Variants in PDE4D observed in about 807,000 individuals in gnomAD.
PDE4D encodes phosphodiesterase 4D.
A neutral mutation model predicts 87.4 loss-of-function variants in PDE4D; 24 were observed. The observed-to-expected ratio is 0.27, with a 90% CI of 0.20 to 0.39. The LOEUF (loss-of-function observed/expected upper bound fraction) is 0.39. Among genes scored for constraint, PDE4D ranks in the 10% least tolerant of loss-of-function variants. The pLI is 1.00. For synonymous variants in PDE4D, 384 were observed against 383.2 expected (o/e 1.00, Z -0.02); for missense variants, 714 against 1,041.0 (o/e 0.69, Z 4.32).
intron 1 of PDE4D, among the ~76,000 whole-genome samples, chr5:60,483,565 T>C (rs1748896899): frequency 6.6e-6 from 1 of 152,136 alleles, no homozygotes; most frequent in Admixed American, 6.5e-5. Flanking sequence ...TAACTCCTGA[T>C]TTTTGCTGAA....
chr5:60,007,797 T>A (rs1304084974), intron 2 of PDE4D, among the ~76,000 whole-genome samples: 1 of 151,986 alleles, frequency 6.6e-6, no homozygotes, highest in African/African-American at 2.4e-5. Context: ...AATTATGAAA[T>A]CTACAAATAT....
At chr5:59,046,800 GA>G (rs1203494440) in intron 5 of PDE4D, among the ~76,000 whole-genome samples, 2 of 152,184 alleles carry the variant, frequency 1.3e-5, no homozygotes, top group Non-Finnish European at 2.9e-5. Context: ...TAAGAATAAG[GA>G]GGCCTTTTGT....
intron 1 of PDE4D, among the ~76,000 whole-genome samples, chr5:59,698,449 C>A (rs1317071819): frequency 6.6e-6 from 1 of 151,908 alleles, no homozygotes; most frequent in Non-Finnish European, 1.5e-5. Context: ...TATTACCCAA[C>A]ATGAAGGGTC....
chr5:60,237,372 T>A (rs1746544409), intron 1 of PDE4D, among the ~76,000 whole-genome samples: 1 of 152,002 alleles, frequency 6.6e-6, no homozygotes, highest in Non-Finnish European at 1.5e-5. Context: ...TGTCCCACAA[T>A]AGGTGAATAG....
intron 1 of PDE4D, among the ~76,000 whole-genome samples, chr5:59,368,111 T>A (rs1473874117): frequency 6.6e-6 from 1 of 152,246 alleles, no homozygotes; most frequent in Non-Finnish European, 1.5e-5. Context: ...GATGCATGTA[T>A]GGGTATGAGT....
chr5:59,448,408 G>A (rs145147560), intron 1 of PDE4D, among the ~76,000 whole-genome samples: 2,324 of 152,246 alleles, frequency 0.015, 78 homozygotes, highest in African/African-American at 0.054. Context: ...AGCAGTGCTT[G>A]AGAGTGCAGG....
At chr5:60,148,087 T>C (rs1484608784) in intron 2 of PDE4D, among the ~76,000 whole-genome samples, 2 of 152,184 alleles carry the variant, frequency 1.3e-5, no homozygotes, top group Admixed American at 6.5e-5. Flanking sequence ...AGAATATTTC[T>C]TTAGATGCCA....
chr5:60,154,306 T>A (rs1333537021), intron 2 of PDE4D, among the ~76,000 whole-genome samples: 6 of 151,874 alleles, frequency 4.0e-5, no homozygotes, highest in African/African-American at 1.2e-4. Flanking sequence ...AGACAGAGTC[T>A]CAGTCTCTTG....
intron 1 of PDE4D, among the ~76,000 whole-genome samples, chr5:59,845,620 A>C (rs1026263038): frequency 6.6e-6 from 1 of 152,136 alleles, no homozygotes; most frequent in African/African-American, 2.4e-5. Context: ...TGGAACAAAA[A>C]TACAGTAAAT....
rs932900500 is a variant in PDE4D at position 59,668,869 on chromosome 5, A to G, written c.455+224299T>C. On this transcript the variant is annotated intron_variant, in intron 1 of 14. Transcript: ENST00000340635. ...AGGAAGAAGAAGAAGAAGAAGAAGA[A>G]GAAGAAGAAGAAGAAGAAGAAGAAG... 6.5e-3 allele frequency among the ~76,000 whole-genome samples: 494 copies of G among 75,578 alleles called. 11 individuals carry two copies. The highest frequency in any genetic ancestry group is 0.014 in the African/African-American group (225 of 16,096). The allele number at this position is 75,578 out of a possible 152,430, so 49.6% of individuals were successfully genotyped here. A position where few individuals can be genotyped will look rare whatever the true frequency, so the allele number is the denominator to read the frequency against.
chr5:59,129,278 A>AT (rs143829987), intron 5 of PDE4D, among the ~76,000 whole-genome samples: 1,587 of 152,214 alleles, frequency 0.01, 32 homozygotes, highest in African/African-American at 0.036. Context: ...GTTCTTTGTT[A>AT]TTTTTTGTAG....
intron 1 of PDE4D, among the ~76,000 whole-genome samples, chr5:59,808,582 TTGTGTGTG>T (rs147077089): frequency 1.3e-5 from 2 of 150,262 alleles, no homozygotes; most frequent in African/African-American, 4.9e-5. Flanking sequence ...TCTATGACGT[TTGTGTGTG>T]TGTGTGTGTG....
At chr5:60,242,054 G>A (rs1212792444) in intron 1 of PDE4D, among the ~76,000 whole-genome samples, 2 of 152,016 alleles carry the variant, frequency 1.3e-5, no homozygotes, top group Non-Finnish European at 2.9e-5. Context: ...AGTATATCTG[G>A]TGCTAATATC....
At chr5:60,047,107 T>C (rs899026863) in intron 2 of PDE4D, among the ~76,000 whole-genome samples, 2 of 152,218 alleles carry the variant, frequency 1.3e-5, no homozygotes, top group African/African-American at 2.4e-5. Flanking sequence ...AGAGTGTGTG[T>C]GTCCAGGAAT....
At position 59,697,024 on chromosome 5, in the gene PDE4D, A is replaced by G. The variant is rs868492557; in HGVS notation, c.455+196144T>C. On this transcript the variant is annotated intron_variant, in intron 1 of 14. Transcript: ENST00000340635. ...AGGAAGAGTACTTTCTGATCATGGTAATGAAACTGAGAGAAGATATTTGGG... is the reference window on the plus strand; with the variant it reads ...AGGAAGAGTACTTTCTGATCATGGTGATGAAACTGAGAGAAGATATTTGGG... Among the ~76,000 whole-genome samples, 3 of 152,210 alleles carry G rather than the reference A, an allele frequency of 2.0e-5. No individual in the cohort carries two copies. The South Asian group carries it at 6.2e-4, about 32-fold the overall frequency.
At chr5:59,563,050 A>T (rs1400346338) in intron 1 of PDE4D, among the ~76,000 whole-genome samples, 1 of 152,260 alleles carries the variant, frequency 6.6e-6, no homozygotes, top group African/African-American at 2.4e-5. Context: ...AAAGGATGTC[A>T]GAAGGCTATC....
chr5:60,261,520 CACA>C (rs1320490460), intron 1 of PDE4D, among the ~76,000 whole-genome samples: 1 of 152,052 alleles, frequency 6.6e-6, no homozygotes, highest in Non-Finnish European at 1.5e-5. Context: ...TAAAAACAAT[CACA>C]ACACTAACAT....
intron 2 of PDE4D, among the ~76,000 whole-genome samples, chr5:59,995,378 G>GCATGAT (rs1327105958): frequency 8.0e-5 from 12 of 150,576 alleles, no homozygotes; most frequent in Middle Eastern, 3.4e-3. Flanking sequence ...GATTGCAATG[G>GCATGAT]CATGATCTCA....
Position 59,097,138 on chromosome 5 carries a change from C to T in PDE4D, c.809-58167G>A, listed in dbSNP as rs556253182. Among the ~76,000 whole-genome samples, 3 of 152,210 alleles carry T rather than the reference C, an allele frequency of 2.0e-5. No individual in the cohort carries two copies. The South Asian group carries it at 6.2e-4, about 32-fold the overall frequency. On this transcript the variant is annotated intron_variant, in intron 5 of 14. Coordinates refer to ENST00000340635, the MANE Select transcript of PDE4D (RefSeq NM_001104631.2). ...AAGTTTATATGGAATTGGCAAATGACAAGGATTGTGATCATTGATACATGC... is the reference window on the plus strand; with the variant it reads ...AAGTTTATATGGAATTGGCAAATGATAAGGATTGTGATCATTGATACATGC...
Sources: gnomAD v4.1 joint callset for allele counts (sites outside exome capture counted in the v4.1 genomes callset) on GRCh38, gnomAD v4.1.1 for gene constraint, MANE v1.5 for transcripts, NCBI Gene and HGNC (gene_info 2026-07-23, HGNC 2026-07-21) for gene names.